KCNC2: variants seen among roughly 807,000 people sequenced by gnomAD.
The protein encoded by KCNC2 is potassium voltage-gated channel subfamily C member 2, also known as voltage-gated potassium channel KCNC2.
In KCNC2, 21 loss-of-function variants were observed where a neutral mutation model predicts 44.5. That is an observed-to-expected ratio of 0.47 (90% CI 0.33 to 0.68). The LOEUF (loss-of-function observed/expected upper bound fraction) is 0.68, where lower values mean the gene tolerates loss of function less well. Among genes scored for constraint, KCNC2 ranks in the 30% least tolerant of loss-of-function variants. KCNC2 has a pLI of 0.01. For missense variants in KCNC2, 589 were observed against 826.2 expected (o/e 0.71, Z 3.52); for synonymous variants, 391 against 339.1 (o/e 1.15, Z -1.68).
intron 2 of KCNC2, among the ~76,000 whole-genome samples, chr12:75,175,557 T>C (rs566501148): frequency 6.6e-6 from 1 of 152,092 alleles, no homozygotes; most frequent in South Asian, 2.1e-4. Context: ...CAAGCAGCAG[T>C]CATGTTTGCC....
intron 2 of KCNC2, among the ~76,000 whole-genome samples, chr12:75,112,880 G>A (rs1176513071): frequency 6.6e-6 from 1 of 152,040 alleles, no homozygotes; most frequent in Non-Finnish European, 1.5e-5. Context: ...TTAAAATATA[G>A]GAGGTGCCAC....
At chr12:75,173,981 A>AT (rs1892004447) in intron 2 of KCNC2, among the ~76,000 whole-genome samples, 1 of 151,774 alleles carries the variant, frequency 6.6e-6, no homozygotes, top group Non-Finnish European at 1.5e-5. Flanking sequence ...AACACAATCT[A>AT]TTTCATGGCA....
At chr12:75,182,530 A>AAAC (rs1228788409) in intron 2 of KCNC2, among the ~76,000 whole-genome samples, 1 of 135,690 alleles carries the variant, frequency 7.4e-6, no homozygotes, top group African/African-American at 2.6e-5. Context: ...CAAAAAAAAA[A>AAAC]AAAAAAACAA....
In KCNC2 at chr12:75,185,336, C is replaced by T. The variant is rs918121330; in HGVS notation, c.687+21961G>A. 7.2e-5 allele frequency among the ~76,000 whole-genome samples: 11 copies of T among 152,160 alleles called. No individual in the cohort carries two copies. The East Asian group carries it at 1.9e-3, about 27-fold the overall frequency. ...ACAATGCTATGGTTTGAAAGTGCCC[C>T]TCAAAGTTCATGTGTTGGAAACTTG... On this transcript the variant is annotated intron_variant, in intron 2 of 4. Transcript: ENST00000549446.
chr12:75,204,858 C>T (rs2031562913), intron 2 of KCNC2, among the ~76,000 whole-genome samples: 1 of 151,770 alleles, frequency 6.6e-6, no homozygotes, highest in South Asian at 2.1e-4. Context: ...AAGGGATTTC[C>T]CTGAAGACAA....
chr12:75,093,033 G>A (rs558723631), intron 2 of KCNC2, among the ~76,000 whole-genome samples: 1 of 145,348 alleles, frequency 6.9e-6, no homozygotes, highest in South Asian at 2.1e-4. Flanking sequence ...TTTTTTAATC[G>A]TTCGAGTAGC....
chr12:75,174,423 T>C (rs1892043075), intron 2 of KCNC2, among the ~76,000 whole-genome samples: 1 of 151,876 alleles, frequency 6.6e-6, no homozygotes, highest in Admixed American at 6.6e-5. Context: ...CTCTTGGTAT[T>C]CTCTATGACA....
At chr12:75,157,181 G>A (rs547579047) in intron 2 of KCNC2, among the ~76,000 whole-genome samples, 24 of 151,914 alleles carry the variant, frequency 1.6e-4, no homozygotes, top group South Asian at 1.5e-3. Flanking sequence ...TTAAAGTTGG[G>A]GATGATTTTG....
rs1205654713 is a variant in KCNC2 at position 75,042,653 on chromosome 12, A to G, written c.*452T>C. On this transcript the variant is annotated 3_prime_UTR_variant, in exon 5 of 5. Coordinates refer to ENST00000549446, the MANE Select transcript of KCNC2 (RefSeq NM_139137.4). ...ATTGCTTTCAGGTGATAGAGACAAG[A>G]TGGTCCATGCAAATGAGCTGACACA... The G allele has an allele frequency of 8.2e-6, 10 of 1,224,194 alleles. No homozygotes were observed. In the African/African-American group the frequency reaches 9.4e-5, roughly 11 times the overall value. 75.8% of individuals were successfully genotyped at this position (1,224,194 alleles called of 1,614,324 possible).
chr12:75,179,123 T>C (rs969649657), intron 2 of KCNC2, among the ~76,000 whole-genome samples: 14 of 152,064 alleles, frequency 9.2e-5, no homozygotes, highest in Non-Finnish European at 1.8e-4. Flanking sequence ...TTCACCCACA[T>C]GTTCCAAAAA....
In KCNC2 at chr12:75,043,001, T is replaced by G. The variant is rs1880083525; in HGVS notation, c.*104A>C. On this transcript the variant is annotated 3_prime_UTR_variant, in exon 5 of 5. Coordinates refer to ENST00000549446, the MANE Select transcript of KCNC2 (RefSeq NM_139137.4). ...AGTATCATGCAAGATTTATACTGTA[T>G]TAATGGAGCCTGGAGTAACTCTACA... is the stretch of plus-strand genomic sequence containing the variant. 1 of 1,532,556 alleles carries G rather than the reference T, an allele frequency of 6.5e-7. No individual in the cohort carries two copies. Among genetic ancestry groups the G allele is most frequent in the African/African-American group, 1.4e-5 (1 of 72,424 alleles). The allele number at this position is 1,532,556 out of a possible 1,614,324, so 94.9% of individuals were successfully genotyped here.
Position 75,041,582 on chromosome 12 carries a change from C to A in KCNC2, c.*1523G>T. On this transcript the variant is annotated 3_prime_UTR_variant, in exon 5 of 5. Transcript: ENST00000549446. ...CCTCACATGCTCAATACATGAGACA[C>A]GCTATTGCTGTTGAATTCATAGGAA... 2.8e-6 allele frequency: 3 copies of A among 1,057,184 alleles called. No homozygotes were observed. Among genetic ancestry groups the A allele is most frequent in the Non-Finnish European group, 3.4e-6 (3 of 871,586 alleles). 65.5% of individuals were successfully genotyped at this position (1,057,184 alleles called of 1,614,324 possible).
At chr12:75,140,528 T>G (rs1243635617) in intron 2 of KCNC2, among the ~76,000 whole-genome samples, 1 of 152,192 alleles carries the variant, frequency 6.6e-6, no homozygotes, top group Non-Finnish European at 1.5e-5. Flanking sequence ...CCTCGAACAT[T>G]GATCTTGTTT....
At chr12:75,108,255 TA>T (rs1886945904) in intron 2 of KCNC2, among the ~76,000 whole-genome samples, 1 of 152,214 alleles carries the variant, frequency 6.6e-6, no homozygotes, top group Non-Finnish European at 1.5e-5. Context: ...TGCACTATAC[TA>T]ATGTGTCCTT....
At position 75,170,574 on chromosome 12, in the gene KCNC2, A is replaced by C. The variant is rs1593018173; in HGVS notation, c.687+36723T>G. 3.3e-5 allele frequency among the ~76,000 whole-genome samples: 5 copies of C among 151,928 alleles called. No individual in the cohort carries two copies. The South Asian group carries it at 1.0e-3, about 32-fold the overall frequency. ...TAGAAAAACCCAAAAAAAGTTCTTT[A>C]ATTACAGTCCATATGTTAGTTTTTC... On this transcript the variant is annotated intron_variant, in intron 2 of 4. Coordinates refer to ENST00000549446, the MANE Select transcript of KCNC2 (RefSeq NM_139137.4).
intron 2 of KCNC2, among the ~76,000 whole-genome samples, chr12:75,167,256 T>G (rs1020325004): frequency 1.3e-5 from 2 of 151,382 alleles, no homozygotes; most frequent in Non-Finnish European, 3.0e-5. Context: ...TTTTATTATC[T>G]TTAATTTTAT....
intron 2 of KCNC2, among the ~76,000 whole-genome samples, chr12:75,075,482 T>TATATATATATATATATATACAC (rs1285443264): frequency 1.6e-5 from 2 of 127,258 alleles, no homozygotes; most frequent in Non-Finnish European, 3.7e-5. Flanking sequence ...TATATATATA[T>TATATATATATATATATATACAC]ACACATATAT....
At chr12:75,159,606 C>A (rs1189784160) in intron 2 of KCNC2, among the ~76,000 whole-genome samples, 2 of 151,812 alleles carry the variant, frequency 1.3e-5, no homozygotes, top group South Asian at 2.1e-4. Context: ...CTTGAAACTC[C>A]CTTAAACTCA....
intron 2 of KCNC2, among the ~76,000 whole-genome samples, chr12:75,076,103 A>C (rs966061401): frequency 6.6e-6 from 1 of 151,806 alleles, no homozygotes; most frequent in African/African-American, 2.4e-5. Context: ...ACCGAAAAGA[A>C]TACCAGAGTA....
Sources: allele counts gnomAD v4.1 joint callset (sites outside exome capture counted in the v4.1 genomes callset), GRCh38; gene constraint gnomAD v4.1.1; transcripts MANE v1.5; gene names NCBI Gene and HGNC (gene_info 2026-07-23, HGNC 2026-07-21).